ASS1: variants seen among roughly 807,000 people sequenced by gnomAD.
ASS1 encodes argininosuccinate synthase.
A neutral mutation model predicts 60.5 loss-of-function variants in ASS1; 58 were observed. That is an observed-to-expected ratio of 0.96 (90% CI 0.78 to 1.19). The LOEUF (loss-of-function observed/expected upper bound fraction) is 1.19. Among genes scored for constraint, ASS1 ranks in the 50% most tolerant of loss-of-function variants. The probability of loss-of-function intolerance (pLI) is 0.00; values close to 1 mark genes in which losing one functional copy is unlikely to be tolerated. For synonymous variants in ASS1, 200 were observed against 206.9 expected, an observed-to-expected ratio of 0.97 and a Z score of 0.29; for missense variants, 454 against 547.3, an observed-to-expected ratio of 0.83 and a Z score of 1.70.
At chr9:130,457,733 C>T (rs914150045) in intron 3 of ASS1, among the ~76,000 whole-genome samples, 1 of 152,176 alleles carries the variant, frequency 6.6e-6, no homozygotes, top group Non-Finnish European at 1.5e-5. Context: ...GCCTCCCCTA[C>T]TCCCACCCCC....
chr9:130,480,341 C>G (rs779987188), intron 10 of ASS1, 44 bp from the exon 11 acceptor site: 1 of 1,612,208 alleles, frequency 6.2e-7, no homozygotes, highest in Non-Finnish European at 8.5e-7. Flanking sequence ...TGACTCTGAG[C>G]CTTGCGGTAG....
At chr9:130,500,193 C>A (rs530539655) in intron 14 of ASS1, among the ~76,000 whole-genome samples, 16 of 152,320 alleles carry the variant, frequency 1.1e-4, no homozygotes, top group Admixed American at 9.1e-4. Context: ...AGCAAGCACA[C>A]TCAGCCCAGG....
chr9:130,457,641 A>T (rs1845476795), intron 3 of ASS1, among the ~76,000 whole-genome samples: 1 of 151,958 alleles, frequency 6.6e-6, no homozygotes, highest in Non-Finnish European at 1.5e-5. Flanking sequence ...GTATCCCCAT[A>T]GCCTTTACCC....
chr9:130,466,618 G>A (rs1845749142), intron 5 of ASS1, 107 bp from the exon 6 acceptor site: 7 of 1,049,334 alleles, frequency 6.7e-6, no homozygotes, highest in Non-Finnish European at 1.0e-5. Flanking sequence ...GGGACATGCT[G>A]GAGACCCCCA....
At chr9:130,451,619 G>A (rs1845328056) in intron 1 of ASS1, 1 of 353,326 alleles carries the variant, frequency 2.8e-6, no homozygotes, top group African/African-American at 2.1e-5. Flanking sequence ...GCGGCACTGC[G>A]TGCTGGGGAA....
At chr9:130,466,860 C>T in intron 6 of ASS1, 61 bp downstream of exon 6, 2 of 1,570,572 alleles carry the variant, frequency 1.3e-6, no homozygotes, top group Non-Finnish European at 1.8e-6. Context: ...CCGGGCACGT[C>T]CCTGCTGGGG....
In ASS1 at chr9:130,488,074, C is replaced by T. The variant is rs1846351673; in HGVS notation, c.839-1259C>T. Among the ~76,000 whole-genome samples the T allele has an allele frequency of 6.6e-6, 1 of 152,214 alleles. No homozygotes were observed. The highest frequency in any genetic ancestry group is 2.4e-5 in the African/African-American group (1 of 41,468). On this transcript the variant is annotated intron_variant, in intron 11 of 14. Transcript: ENST00000352480. The surrounding 1 kb of genome is among the most constrained non-coding windows in gnomAD (Gnocchi z 5.2). Reference sequence around the variant, plus strand: ...TGCCCGGCCCCCTTCCTTCTTAAGGCTGAATAATATTCCATCGTATGGATG... The same window carrying T: ...TGCCCGGCCCCCTTCCTTCTTAAGGTTGAATAATATTCCATCGTATGGATG...
At chr9:130,493,568 C>T (rs1846505177) in intron 12 of ASS1, among the ~76,000 whole-genome samples, 1 of 152,218 alleles carries the variant, frequency 6.6e-6, no homozygotes, top group Non-Finnish European at 1.5e-5. Context: ...CCACGGAGGA[C>T]CTCTGCAGGT....
rs1343212335 is a variant in ASS1, at chr9:130,489,784, G to A, written c.970+320G>A. Among the ~76,000 whole-genome samples the A allele has an allele frequency of 6.6e-6, 1 of 152,260 alleles. No homozygotes were observed. Among genetic ancestry groups the A allele is most frequent in the African/African-American group, 2.4e-5 (1 of 41,464 alleles). ...AGCAATGCCAGGCACTGGGCACTGTGCGGCGACATGCATCACCCCGCATGG... is the reference window on the plus strand; with the variant it reads ...AGCAATGCCAGGCACTGGGCACTGTACGGCGACATGCATCACCCCGCATGG... On this transcript the variant is annotated intron_variant, in intron 12 of 14. Transcript: ENST00000352480. This position sits in a 1 kb window ranked among gnomAD's most constrained non-coding sequence, Gnocchi z 4.1.
chr9:130,454,374 G>C lies in ASS1; in HGVS notation c.174+1G>C, dbSNP rs748264993. ...GGCACTGAAGCTTGGGGCCAAAAAGGTACCAGGCGGGAGGCAGGGATTTGG... is the reference window on the plus strand; with the variant it reads ...GGCACTGAAGCTTGGGGCCAAAAAGCTACCAGGCGGGAGGCAGGGATTTGG... On this transcript the variant is annotated splice_donor_variant, in intron 3 of 14. Transcript: ENST00000352480. LOFTEE classifies it high-confidence loss of function. 1.2e-6 allele frequency: 2 copies of C among 1,613,524 alleles called. No individual in the cohort carries two copies. Among genetic ancestry groups the C allele is most frequent in the South Asian group, 1.1e-5 (1 of 90,944 alleles).
Position 130,476,993 on chromosome 9 carries a change from G to C in ASS1, c.688+32G>C. 1 of 1,600,374 alleles carries C rather than the reference G, an allele frequency of 6.2e-7. No homozygotes were observed. Among genetic ancestry groups the C allele is most frequent in the Non-Finnish European group, 8.6e-7 (1 of 1,167,634 alleles). The stretch of plus-strand genomic sequence containing the variant: ...GCCCACCTGTTGGGACTCGAAGGGG[G>C]TTGACTTTTGGGGCCCTGGCTCCTT... On this transcript the variant is annotated intron_variant, in intron 9 of 14. Coordinates refer to ENST00000352480, the MANE Select transcript of ASS1 (RefSeq NM_054012.4). This position sits in a 1 kb window ranked among gnomAD's most constrained non-coding sequence, Gnocchi z 4.9.
chr9:130,449,745 G>A (rs1022283176), intron 1 of ASS1, among the ~76,000 whole-genome samples: 1 of 152,208 alleles, frequency 6.6e-6, no homozygotes, highest in Admixed American at 6.5e-5. Context: ...ACCCCAGATG[G>A]AAGGGCTTAG....
chr9:130,467,179 G>A (rs757960873), intron 6 of ASS1, among the ~76,000 whole-genome samples: 11 of 152,074 alleles, frequency 7.2e-5, no homozygotes, highest in African/African-American at 2.4e-4. Flanking sequence ...TGTGATGGCC[G>A]GCCGGGGGGA....
At chr9:130,467,455 C>G (rs971876327) in intron 6 of ASS1, among the ~76,000 whole-genome samples, 2 of 152,144 alleles carry the variant, frequency 1.3e-5, no homozygotes, top group Non-Finnish European at 2.9e-5. Flanking sequence ...AGCAACTCAG[C>G]GCACACACCA....
chr9:130,489,283 T>A lies in ASS1; in HGVS notation c.839-50T>A. ...TCATTTGCTGACAGTTTGGGTTTCA[T>A]GCGTTTCTCTCTTTTTTCTCCTTTT... On this transcript the variant is annotated intron_variant, in intron 11 of 14. Coordinates refer to ENST00000352480, the MANE Select transcript of ASS1 (RefSeq NM_054012.4). This position sits in a 1 kb window ranked among gnomAD's most constrained non-coding sequence, Gnocchi z 4.1. 2 of 1,610,034 alleles carry A rather than the reference T, an allele frequency of 1.2e-6. No homozygotes were observed. The highest frequency in any genetic ancestry group is 2.2e-5 in the South Asian group (2 of 90,960).
In ASS1 at chr9:130,456,643, A is replaced by G. The variant is rs1845457408; in HGVS notation, c.175-1758A>G. 2.0e-5 allele frequency among the ~76,000 whole-genome samples: 3 copies of G among 152,014 alleles called. No individual in the cohort carries two copies. The South Asian group carries it at 6.2e-4, about 32-fold the overall frequency. Reference sequence around the variant, plus strand: ...CAAAAGCAGTACCAAGAATTTCTCGACTCTTAAAAATTATTGAAGGCCTTG... The same window carrying G: ...CAAAAGCAGTACCAAGAATTTCTCGGCTCTTAAAAATTATTGAAGGCCTTG... On this transcript the variant is annotated intron_variant, in intron 3 of 14. Coordinates refer to ENST00000352480, the MANE Select transcript of ASS1 (RefSeq NM_054012.4).
chr9:130,473,742 G>T (rs895709164), intron 8 of ASS1, among the ~76,000 whole-genome samples: 6 of 152,176 alleles, frequency 3.9e-5, no homozygotes, highest in African/African-American at 1.4e-4. Context: ...AAGGCAGATG[G>T]CTGAGCCATT....
At chr9:130,445,823 A>T (rs1227197752) in intron 1 of ASS1, among the ~76,000 whole-genome samples, 1 of 151,826 alleles carries the variant, frequency 6.6e-6, no homozygotes, top group Non-Finnish European at 1.5e-5. Context: ...TGGAGAGTCC[A>T]CTCCCGAGCA....
At chr9:130,451,508 C>A (rs1291474906) in intron 1 of ASS1, 1 of 319,484 alleles carries the variant, frequency 3.1e-6, no homozygotes, top group African/African-American at 2.2e-5. Context: ...GACACGATGT[C>A]TAAAATTCCA....
Sources: allele counts gnomAD v4.1 joint callset (sites outside exome capture counted in the v4.1 genomes callset), GRCh38; gene constraint gnomAD v4.1.1; non-coding constraint Gnocchi (gnomAD v3.1); transcripts MANE v1.5; gene names NCBI Gene and HGNC (gene_info 2026-07-23, HGNC 2026-07-21).